IQCH: variants seen among roughly 807,000 people sequenced by gnomAD.
IQCH encodes IQ domain-containing protein H.
A neutral mutation model predicts 117.0 loss-of-function variants in IQCH; 98 were observed. That is an observed-to-expected ratio of 0.84 (90% CI 0.71 to 0.99). The LOEUF (loss-of-function observed/expected upper bound fraction) is 0.99. Ranked by LOEUF, IQCH falls within the 50% of genes least tolerant of loss-of-function variation. The pLI is 0.00. For missense variants in IQCH, 1,102 were observed against 1,243.8 expected (o/e 0.89, Z 1.72); for synonymous variants, 412 against 448.2 (o/e 0.92, Z 1.02).
rs188363154 is a variant in IQCH, at chr15:67,364,210, C to G, written c.753+4325C>G. Among the ~76,000 whole-genome samples the G allele has an allele frequency of 1.8e-4, 28 of 152,306 alleles. No individual in the cohort carries two copies. In the East Asian group the frequency reaches 3.5e-3, roughly 19 times the overall value. On this transcript the variant is annotated intron_variant, in intron 8 of 20. Coordinates refer to ENST00000335894, the MANE Select transcript of IQCH (RefSeq NM_001031715.3). The surrounding 1 kb of genome is among the most constrained non-coding windows in gnomAD (Gnocchi z 4.1). ...GCATTCCCTTTTCTCTGCAACCTCA[C>G]CAGCATCTGTTATTTTTTGACCTTT...
chr15:67,407,791 T>C lies in IQCH; in HGVS notation c.2097+7486T>C, dbSNP rs1276563016. On this transcript the variant is annotated intron_variant, in intron 14 of 20. Coordinates refer to ENST00000335894, the MANE Select transcript of IQCH (RefSeq NM_001031715.3). This position sits in a 1 kb window ranked among gnomAD's most constrained non-coding sequence, Gnocchi z 5.3. ...CAAGCGTGCTGTTTGTACCTTTTAT[T>C]TTATTCTAAAAATGCACAGATCCCA... 1 of 152,222 alleles carries C rather than the reference T, an allele frequency of 6.6e-6. No homozygotes were observed. Among genetic ancestry groups the C allele is most frequent in the East Asian group, 1.9e-4 (1 of 5,190 alleles). 9.4% of individuals were successfully genotyped at this position (152,222 alleles called of 1,614,324 possible).
chr15:67,298,240 G>A (rs968060639), intron 4 of IQCH, among the ~76,000 whole-genome samples: 11 of 151,528 alleles, frequency 7.3e-5, no homozygotes, highest in Non-Finnish European at 1.5e-4. Flanking sequence ...CCCAGGAGGC[G>A]GAGGTTGCAG....
chr15:67,373,283 G>C, intron 9 of IQCH, 84 bp from the exon 10 acceptor site: 1 of 835,772 alleles, frequency 1.2e-6, no homozygotes, highest in Admixed American at 1.9e-5. Context: ...TGGCTTAACT[G>C]TACAGTGGAA....
Position 67,467,597 on chromosome 15 carries a change from T to G in IQCH, c.2676+2300T>G, listed in dbSNP as rs935429012. Among the ~76,000 whole-genome samples, 1 of 152,252 alleles carries G rather than the reference T, an allele frequency of 6.6e-6. No homozygotes were observed. The highest frequency in any genetic ancestry group is 2.4e-5 in the African/African-American group (1 of 41,466). On this transcript the variant is annotated intron_variant, in intron 17 of 20. Coordinates refer to ENST00000335894, the MANE Select transcript of IQCH (RefSeq NM_001031715.3). The surrounding 1 kb of genome is among the most constrained non-coding windows in gnomAD (Gnocchi z 5.7). ...AGATGTTCCCACCCTTGTGCCACTATGCTTGGGTTGTGCACACACCCTCCT... is the reference window on the plus strand; with the variant it reads ...AGATGTTCCCACCCTTGTGCCACTAGGCTTGGGTTGTGCACACACCCTCCT...
intron 10 of IQCH, among the ~76,000 whole-genome samples, chr15:67,383,689 G>A (rs532159103): frequency 3.4e-4 from 51 of 152,238 alleles, no homozygotes; most frequent in Middle Eastern, 6.8e-3. Context: ...TAAAGACATT[G>A]GAGTTGTAAC....
At chr15:67,347,415 T>G (rs912547829) in intron 6 of IQCH, among the ~76,000 whole-genome samples, 1 of 152,052 alleles carries the variant, frequency 6.6e-6, no homozygotes, top group African/African-American at 2.4e-5. Context: ...GCCTATAATG[T>G]TGACAGTTTA....
At chr15:67,492,173 T>C (rs368105784) in intron 19 of IQCH, among the ~76,000 whole-genome samples, 1 of 152,178 alleles carries the variant, frequency 6.6e-6, no homozygotes. Context: ...AATTTGTATT[T>C]TCCCAACTTA....
intron 15 of IQCH, among the ~76,000 whole-genome samples, chr15:67,418,701 C>T (rs918222214): frequency 2.0e-5 from 3 of 151,430 alleles, no homozygotes; most frequent in Admixed American, 2.0e-4. Context: ...GCCTCAGCCT[C>T]CTGATAGCTG....
chr15:67,495,534 G>A (rs921229842), intron 20 of IQCH, among the ~76,000 whole-genome samples: 3 of 152,170 alleles, frequency 2.0e-5, no homozygotes, highest in Non-Finnish European at 2.9e-5. Context: ...CTAGCTAGTA[G>A]CATCATCTTA....
intron 18 of IQCH, among the ~76,000 whole-genome samples, chr15:67,482,943 C>G (rs759713087): frequency 6.6e-6 from 1 of 152,166 alleles, no homozygotes; most frequent in Non-Finnish European, 1.5e-5. Flanking sequence ...TAGACTCTTA[C>G]ATCTCTCACA....
At position 67,417,490 on chromosome 15, in the gene IQCH, A is replaced by AAT. The variant is rs756811557; in HGVS notation, c.2218+441_2218+442dup. Among the ~76,000 whole-genome samples the AAT allele has an allele frequency of 1.2e-4, 18 of 152,188 alleles. No individual in the cohort carries two copies. Among genetic ancestry groups the AAT allele is most frequent in the Non-Finnish European group, 2.5e-4 (17 of 68,034 alleles). ...CAGAACCTTACACAAAATCATCTTT[A>AAT]ATAAGTGTTAGTTTCTCCTTCTGTT... is the stretch of plus-strand genomic sequence containing the variant. On this transcript the variant is annotated intron_variant, in intron 15 of 20. Transcript: ENST00000335894. This position sits in a 1 kb window ranked among gnomAD's most constrained non-coding sequence, Gnocchi z 4.3.
intron 6 of IQCH, among the ~76,000 whole-genome samples, chr15:67,349,501 C>G (rs146451333): frequency 6.6e-6 from 1 of 151,534 alleles, no homozygotes; most frequent in Non-Finnish European, 1.5e-5. Context: ...TACCTATAAT[C>G]CCAGCTACTT....
chr15:67,484,927 G>A (rs2083434744), intron 18 of IQCH, among the ~76,000 whole-genome samples: 1 of 151,276 alleles, frequency 6.6e-6, no homozygotes, highest in Non-Finnish European at 1.5e-5. Flanking sequence ...CTAAAAGAAG[G>A]ACCAAATCAT....
intron 16 of IQCH, among the ~76,000 whole-genome samples, chr15:67,452,292 G>A (rs8024481): frequency 0.67 from 101,835 of 151,970 alleles, 35,202 homozygotes; most frequent in Middle Eastern, 0.81. Flanking sequence ...TATTTTGCTC[G>A]TTAGTTGATG....
intron 12 of IQCH, 110 bp downstream of exon 12, chr15:67,389,116 T>C: frequency 1.2e-6 from 1 of 806,632 alleles, no homozygotes; most frequent in East Asian, 2.6e-5. Flanking sequence ...TATTGCAAGT[T>C]TAACAGCTTT....
At chr15:67,450,375 T>G (rs1596401761) in intron 16 of IQCH, among the ~76,000 whole-genome samples, 1 of 152,214 alleles carries the variant, frequency 6.6e-6, no homozygotes, top group East Asian at 1.9e-4. Context: ...CAGATAGCTC[T>G]TATTATTTTG....
intron 16 of IQCH, among the ~76,000 whole-genome samples, chr15:67,451,796 G>A (rs1221014721): frequency 2.0e-5 from 3 of 152,090 alleles, no homozygotes; most frequent in Non-Finnish European, 2.9e-5. Context: ...TTTCTGTCTC[G>A]TCGATCTGTC....
chr15:67,363,235 ATT>A (rs368949063), intron 8 of IQCH, among the ~76,000 whole-genome samples: 12 of 133,522 alleles, frequency 9.0e-5, no homozygotes, highest in Admixed American at 2.3e-4. Context: ...ACAAATCTTG[ATT>A]TTTTTTTTTT....
chr15:67,500,878 T>C lies in IQCH; in HGVS notation c.*132T>C. 1 of 457,768 alleles carries C rather than the reference T, an allele frequency of 2.2e-6. No individual in the cohort carries two copies. Among genetic ancestry groups the C allele is most frequent in the Non-Finnish European group, 4.0e-6 (1 of 251,330 alleles). The allele number at this position is 457,768 out of a possible 1,614,324, so 28.4% of individuals were successfully genotyped here. On this transcript the variant is annotated 3_prime_UTR_variant, in exon 21 of 21. Transcript: ENST00000335894. This position sits in a 1 kb window ranked among gnomAD's most constrained non-coding sequence, Gnocchi z 4.4. ...CTAGGAGGTGAATCAGAACAGATTA[T>C]AATGAAATGCTCTTTTTAAAACATT...
Sources: gnomAD v4.1 joint callset for allele counts (sites outside exome capture counted in the v4.1 genomes callset) on GRCh38, gnomAD v4.1.1 for gene constraint, Gnocchi (gnomAD v3.1) non-coding constraint, MANE v1.5 for transcripts, NCBI Gene and HGNC (gene_info 2026-07-23, HGNC 2026-07-21) for gene names.